CENPO: variants seen among roughly 807,000 people sequenced by gnomAD.
CENPO encodes centromere protein O.
A neutral mutation model predicts 36.1 loss-of-function variants in CENPO; 30 were observed. The observed-to-expected ratio is 0.83, with a 90% CI of 0.62 to 1.13. The LOEUF is 1.13. Among genes scored for constraint, CENPO ranks in the 50% most tolerant of loss-of-function variants. The probability of loss-of-function intolerance (pLI) is 0.00; values close to 1 mark genes in which losing one functional copy is unlikely to be tolerated. For missense variants in CENPO, 349 were observed against 357.8 expected, an observed-to-expected ratio of 0.98 and a Z score of 0.20; for synonymous variants, 171 against 142.3, an observed-to-expected ratio of 1.20 and a Z score of -1.44.
At chr2:24,811,282 C>CTTTTTTTTTT (rs70947848) in intron 3 of CENPO, among the ~76,000 whole-genome samples, 1,233 of 105,414 alleles carry the variant, frequency 0.012, 133 homozygotes, top group African/African-American at 0.037. Flanking sequence ...AGTCCATGAA[C>CTTTTTTTTTT]TTTTTTTTTT....
chr2:24,793,539 G>A, intron 1 of CENPO, 38 bp downstream of exon 1: 1 of 1,542,552 alleles, frequency 6.5e-7, no homozygotes, highest in Non-Finnish European at 8.7e-7. Flanking sequence ...AAGACCCATT[G>A]TCGGACCGGA....
chr2:24,804,905 A>G (rs918037608), intron 3 of CENPO, among the ~76,000 whole-genome samples: 1 of 152,158 alleles, frequency 6.6e-6, no homozygotes, highest in African/African-American at 2.4e-5. Flanking sequence ...CTCCTGGATA[A>G]TATCCTGCAG....
chr2:24,811,712 C>T (rs999637154), intron 3 of CENPO, among the ~76,000 whole-genome samples: 2 of 152,102 alleles, frequency 1.3e-5, no homozygotes, highest in Non-Finnish European at 2.9e-5. Flanking sequence ...CCACCTGCCT[C>T]GGCCTCCTAA....
At position 24,820,346 on chromosome 2, in the gene CENPO, T is replaced by C. The variant is rs1346943907; in HGVS notation, c.*1028T>C. ...TCCTCTCATCCAGAGACTTCTCTCC[T>C]AGGATGGCCATGGTCACCTGGGTGG... On this transcript the variant is annotated 3_prime_UTR_variant, in exon 8 of 8. Transcript: ENST00000380834. The C allele has an allele frequency of 3.0e-6, 4 of 1,334,520 alleles. No homozygotes were observed. Among genetic ancestry groups the C allele is most frequent in the Non-Finnish European group, 3.8e-6 (4 of 1,047,546 alleles). 82.7% of individuals were successfully genotyped at this position (1,334,520 alleles called of 1,614,324 possible).
chr2:24,793,751 C>G lies in CENPO; in HGVS notation c.-68-101C>G, dbSNP rs370853190. ...GGGATCCTAGCCGTGACATTTGTGT[C>G]ATCCGCGGCCCAGGGGTTGTGCCTG... On this transcript the variant is annotated intron_variant, in intron 1 of 7. Coordinates refer to ENST00000380834, the MANE Select transcript of CENPO (RefSeq NM_001322101.2). 3.2e-4 allele frequency: 328 copies of G among 1,020,174 alleles called. 6 individuals carry two copies. In the South Asian group the frequency reaches 4.4e-3, roughly 14 times the overall value. 63.2% of individuals were successfully genotyped at this position (1,020,174 alleles called of 1,614,324 possible).
intron 5 of CENPO, chr2:24,816,417 T>C (rs1666940135): frequency 4.2e-6 from 2 of 473,576 alleles, no homozygotes; most frequent in Non-Finnish European, 3.7e-6. Context: ...TGCGAAGCTG[T>C]ACCCCTGGCC....
In CENPO at chr2:24,802,519, TGA is replaced by T. The variant is rs1461333988; in HGVS notation, c.216+2679_216+2680del. Among the ~76,000 whole-genome samples the T allele has an allele frequency of 9.2e-5, 14 of 152,350 alleles. No homozygotes were observed. In the South Asian group the frequency reaches 2.7e-3, roughly 29 times the overall value. On this transcript the variant is annotated intron_variant, in intron 3 of 7. Coordinates refer to ENST00000380834, the MANE Select transcript of CENPO (RefSeq NM_001322101.2). ...TACGTCCCATCAATAACTAATTTAT[TGA>T]GAGTTTTTAGCATGAAGCGTTGTTG...
In CENPO at chr2:24,820,177, G is replaced by T; in HGVS notation, c.*859G>T. On this transcript the variant is annotated 3_prime_UTR_variant, in exon 8 of 8. Transcript: ENST00000380834. ...GGGGAGCCTAGACTGAGGGCGGGTG[G>T]GGGCTTTGGGTGGTTGGAGCCGAGC... is the stretch of plus-strand genomic sequence containing the variant. The T allele has an allele frequency of 7.7e-7, 1 of 1,305,428 alleles. No individual in the cohort carries two copies. The highest frequency in any genetic ancestry group is 1.0e-6 in the Non-Finnish European group (1 of 959,856). The allele number at this position is 1,305,428 out of a possible 1,614,324, so 80.9% of individuals were successfully genotyped here. A position where few individuals can be genotyped will look rare whatever the true frequency, so the allele number is the denominator to read the frequency against.
At chr2:24,804,052 C>T (rs572074381) in intron 3 of CENPO, among the ~76,000 whole-genome samples, 3 of 152,268 alleles carry the variant, frequency 2.0e-5, no homozygotes, top group Non-Finnish European at 2.9e-5. Flanking sequence ...GTTAGCTCTT[C>T]GTGTTGAATT....
chr2:24,812,949 G>GA (rs1666767274), intron 3 of CENPO, among the ~76,000 whole-genome samples: 1 of 134,056 alleles, frequency 7.5e-6, no homozygotes, highest in Non-Finnish European at 1.5e-5. Flanking sequence ...TATTGTGTAT[G>GA]AAAAAATATA....
intron 3 of CENPO, among the ~76,000 whole-genome samples, chr2:24,800,060 C>G (rs1190476742): frequency 2.0e-5 from 3 of 152,174 alleles, no homozygotes; most frequent in Non-Finnish European, 4.4e-5. Context: ...CGAGGCAGGC[C>G]TATCGCCTGT....
intron 2 of CENPO, among the ~76,000 whole-genome samples, chr2:24,795,732 T>G (rs1011638013): frequency 3.3e-5 from 5 of 152,212 alleles, no homozygotes; most frequent in Admixed American, 2.6e-4. Context: ...AATTATTCTA[T>G]GTGTGCGTGC....
intron 1 of CENPO, 93 bp downstream of exon 1, chr2:24,793,594 C>T: frequency 2.1e-6 from 3 of 1,458,722 alleles, no homozygotes; most frequent in Non-Finnish European, 2.7e-6. Flanking sequence ...AAAACTCCTT[C>T]CGTGGCCGGG....
chr2:24,821,301 A>AGTATAGTCG lies in CENPO; in HGVS notation c.*1985_*1993dup. The AGTATAGTCG allele has an allele frequency of 1.7e-6, 1 of 605,286 alleles. No individual in the cohort carries two copies. The highest frequency in any genetic ancestry group is 2.8e-6 in the Non-Finnish European group (1 of 358,318). The allele number at this position is 605,286 out of a possible 1,614,324, so 37.5% of individuals were successfully genotyped here. A position where few individuals can be genotyped will look rare whatever the true frequency, so the allele number is the denominator to read the frequency against. ...AAGCTTCTATTGTAACAGTAGGCAC[A>AGTATAGTCG]GTATAGTCGGATCATCACATCAGCT... On this transcript the variant is annotated 3_prime_UTR_variant, in exon 8 of 8. Coordinates refer to ENST00000380834, the MANE Select transcript of CENPO (RefSeq NM_001322101.2).
chr2:24,819,937 A>T lies in CENPO; in HGVS notation c.*619A>T. 2.5e-6 allele frequency: 4 copies of T among 1,613,642 alleles called. No individual in the cohort carries two copies. The highest frequency in any genetic ancestry group is 3.4e-6 in the Non-Finnish European group (4 of 1,179,838). On this transcript the variant is annotated 3_prime_UTR_variant, in exon 8 of 8. Transcript: ENST00000380834. ...TGTTGCAGGCTCGAGGCCATTCAGG[A>T]GTTGTCCACCACCTGGTGGGGCAGT...
chr2:24,798,301 GTGTT>G (rs1386952649), intron 2 of CENPO, among the ~76,000 whole-genome samples: 2 of 151,954 alleles, frequency 1.3e-5, no homozygotes, highest in Non-Finnish European at 2.9e-5. Flanking sequence ...ATATGAGTGT[GTGTT>G]TGAAGACAGT....
In CENPO at chr2:24,815,486, G is replaced by A. The variant is rs779742790; in HGVS notation, c.335-11G>A. 1.2e-6 allele frequency: 2 copies of A among 1,613,120 alleles called. No individual in the cohort carries two copies. Among genetic ancestry groups the A allele is most frequent in the Admixed American group, 1.7e-5 (1 of 60,012 alleles). ...CTGCTGTCTATTGAGGTGTCTTCTT[G>A]TTTGCCTCAGGCCTCAGTGGTAAAC... On this transcript the variant is annotated splice_polypyrimidine_tract_variant and intron_variant, in intron 4 of 7. Transcript: ENST00000380834.
At chr2:24,815,365 T>C in intron 4 of CENPO, 132 bp from the exon 5 acceptor site, 1 of 714,922 alleles carries the variant, frequency 1.4e-6, no homozygotes, top group Non-Finnish European at 2.5e-6. Flanking sequence ...AATGAGCCTA[T>C]GATACTCATT....
Position 24,816,729 on chromosome 2 carries a change from A to G in CENPO, c.678A>G (p.Pro226=). ...NLLSFTYKLD[P]GGQSFPFCAR... ...TGTCATTTACTTACAAACTGGATCC[A>G]GGGGGTCAGTCCTTCCCGTTCTGTG... The change falls in exon 6 of 8, where the codon CCA becomes CCG. Residue 226 remains proline (P), a synonymous_variant. Transcript: ENST00000380834. The G allele has an allele frequency of 6.2e-7, 1 of 1,613,150 alleles. No homozygotes were observed. Among genetic ancestry groups the G allele is most frequent in the South Asian group, 1.1e-5 (1 of 90,696 alleles).
Sources: gnomAD v4.1 joint callset for allele counts (sites outside exome capture counted in the v4.1 genomes callset) on GRCh38, gnomAD v4.1.1 for gene constraint, MANE v1.5 for transcripts, NCBI Gene and HGNC (gene_info 2026-07-23, HGNC 2026-07-21) for gene names.